WDR91: variants seen among roughly 807,000 people sequenced by gnomAD.
The protein encoded by WDR91 is WD repeat-containing protein 91.
In WDR91, 52 loss-of-function variants were observed where a neutral mutation model predicts 88.4. The ratio of observed to expected loss-of-function variants is 0.59; its 90% CI spans 0.47 to 0.74. WDR91 has a LOEUF of 0.74. Ranked by LOEUF, WDR91 falls within the 30% of genes least tolerant of loss-of-function variation. The probability of loss-of-function intolerance (pLI) is 0.00; values close to 1 mark genes in which losing one functional copy is unlikely to be tolerated. For missense variants in WDR91, 824 were observed against 954.5 expected (o/e 0.86, Z 1.80); for synonymous variants, 362 against 389.5 (o/e 0.93, Z 0.83).
chr7:135,194,977 G>A lies in WDR91; in HGVS notation c.1352C>T (p.Ser451Leu), dbSNP rs767828079. ...MQTKASSISK[S>L]PLLSLEWATK... ...GGCCCATTCCAAAGACAGCAGCGGT[G>A]ATTTGGAAATGGAGGATGCTTTGGT... Residue 451 changes from serine to leucine, a missense_variant, in exon 9 of 15, where the codon TCA (serine) becomes TTA (leucine). Coordinates refer to ENST00000354475, the MANE Select transcript of WDR91 (RefSeq NM_014149.4). 5 of 1,614,172 alleles carry A rather than the reference G, an allele frequency of 3.1e-6. No homozygotes were observed. Among genetic ancestry groups the A allele is most frequent in the Non-Finnish European group, 4.2e-6 (5 of 1,180,036 alleles).
rs1831826656 is a variant in WDR91 at position 135,207,194 on chromosome 7, C to G, written c.520G>C (p.Val174Leu). ...SVLFQCMPVP[V>L]ILNFDAECQR... Reference sequence around the variant, plus strand: ...CACTCCGCATCAAAGTTCAGGATCACAGGGACTGGTGCACGAAGTTAAAGA... The same window carrying G: ...CACTCCGCATCAAAGTTCAGGATCAGAGGGACTGGTGCACGAAGTTAAAGA... Residue 174 changes from valine (V) to leucine (L), a missense_variant, in exon 4 of 15, where the codon GTG becomes CTG. Physicochemically the swap from Val to Leu is conservative, Grantham distance 32 (BLOSUM62 1). Transcript: ENST00000354475. 4 of 1,605,240 alleles carry G rather than the reference C, an allele frequency of 2.5e-6. No individual in the cohort carries two copies. The highest frequency in any genetic ancestry group is 2.6e-6 in the Non-Finnish European group (3 of 1,173,850).
intron 13 of WDR91, among the ~76,000 whole-genome samples, chr7:135,187,561 A>G (rs1830998830): frequency 6.6e-6 from 1 of 152,192 alleles, no homozygotes; most frequent in Non-Finnish European, 1.5e-5. Flanking sequence ...TATTATTATT[A>G]TCAGAGTTAG....
At chr7:135,210,750 G>T in intron 1 of WDR91, 3 of 703,308 alleles carry the variant, frequency 4.3e-6, no homozygotes, top group Middle Eastern at 2.3e-4. Context: ...CTCCCCTCCA[G>T]TGCTCTTGCT....
At chr7:135,192,546 G>A (rs1233091566) in intron 11 of WDR91, among the ~76,000 whole-genome samples, 1 of 151,974 alleles carries the variant, frequency 6.6e-6, no homozygotes, top group African/African-American at 2.4e-5. Flanking sequence ...AGGTCTGACA[G>A]ACCCAAAGGG....
At chr7:135,206,315 TA>T (rs2117712357) in intron 4 of WDR91, among the ~76,000 whole-genome samples, 2 of 152,290 alleles carry the variant, frequency 1.3e-5, no homozygotes, top group East Asian at 3.9e-4. Context: ...TGCTTCCTCC[TA>T]GATTCACTGA....
chr7:135,194,416 C>T (rs542010908), intron 9 of WDR91, among the ~76,000 whole-genome samples: 6 of 152,234 alleles, frequency 3.9e-5, no homozygotes, highest in African/African-American at 1.4e-4. Flanking sequence ...GGTATGATCC[C>T]CACAAATGAA....
chr7:135,196,254 A>G lies in WDR91; in HGVS notation c.1134T>C (p.Thr378=), dbSNP rs1831366815. 1 of 1,611,646 alleles carries G rather than the reference A, an allele frequency of 6.2e-7. No individual in the cohort carries two copies. The highest frequency in any genetic ancestry group is 8.5e-7 in the Non-Finnish European group (1 of 1,178,958). Residue 378 remains threonine, a synonymous_variant, in exon 8 of 15, where the codon ACT becomes ACC. Transcript: ENST00000354475. The surrounding 1 kb of genome is among the most constrained non-coding windows in gnomAD (Gnocchi z 4.2). ...CCTCAGGGCCTGCCGAGGATGCCCG[A>G]GTCAGTGGCTCCACTGGCTCCGTGT... The part of the protein sequence containing the change: ...ELHTEPVEPL[T]RASSAGPEGG...
At chr7:135,206,318 A>G (rs944642215) in intron 4 of WDR91, among the ~76,000 whole-genome samples, 40 of 152,174 alleles carry the variant, frequency 2.6e-4, no homozygotes, top group African/African-American at 8.2e-4. Flanking sequence ...TTCCTCCTAG[A>G]TTCACTGAGA....
At chr7:135,195,433 G>T (rs1387174505) in intron 8 of WDR91, among the ~76,000 whole-genome samples, 1 of 152,214 alleles carries the variant, frequency 6.6e-6, no homozygotes, top group Non-Finnish European at 1.5e-5. Context: ...GAGCCATCAG[G>T]GCTGTCAAAA....
rs1831240043 is a variant in WDR91 at position 135,193,333 on chromosome 7, G to A, written c.1557C>T (p.Leu519=). The part of the protein sequence containing the change: ...SFVCSAAAPS[L]TSQVDFSAPD... ...GTGCTGAGAAGTCCACCTGGGAAGTGAGGCTCGGAGCTGCTGCCGAACAGA... is the reference window on the plus strand; with the variant it reads ...GTGCTGAGAAGTCCACCTGGGAAGTAAGGCTCGGAGCTGCTGCCGAACAGA... The change falls in exon 11 of 15, where the codon CTC becomes CTT. Residue 519 remains leucine (L), a synonymous_variant. Transcript: ENST00000354475. The A allele has an allele frequency of 6.2e-7, 1 of 1,614,232 alleles. No individual in the cohort carries two copies. Among genetic ancestry groups the A allele is most frequent in the South Asian group, 1.1e-5 (1 of 91,086 alleles).
chr7:135,204,568 G>T, intron 5 of WDR91, 135 bp from the exon 6 acceptor site: 1 of 906,460 alleles, frequency 1.1e-6, no homozygotes, highest in African/African-American at 1.7e-5. Context: ...GCTTTAAGGT[G>T]GTATTATCCT....
At chr7:135,207,095 A>C (rs773443366) in intron 4 of WDR91, 25 bp downstream of exon 4, 1 of 1,587,968 alleles carries the variant, frequency 6.3e-7, no homozygotes, top group South Asian at 1.1e-5. Flanking sequence ...GTACTTCCTC[A>C]GGAGCAAGCC....
At chr7:135,203,362 A>G (rs973853600) in intron 6 of WDR91, among the ~76,000 whole-genome samples, 19 of 152,228 alleles carry the variant, frequency 1.2e-4, no homozygotes, top group Admixed American at 4.6e-4. Flanking sequence ...GACTATGACT[A>G]TTTATTTTAT....
At position 135,198,021 on chromosome 7, in the gene WDR91, T is replaced by C. The variant is rs370311970; in HGVS notation, c.1022A>G (p.Lys341Arg). 2 of 1,614,166 alleles carry C rather than the reference T, an allele frequency of 1.2e-6. No individual in the cohort carries two copies. The highest frequency in any genetic ancestry group is 8.5e-7 in the Non-Finnish European group (1 of 1,180,006). The change falls in exon 7 of 15, where the codon AAG (lysine) becomes AGG (arginine). Residue 341 changes from lysine to arginine, a missense_variant. Physicochemically the swap from Lys to Arg is conservative, Grantham distance 26 (BLOSUM62 2). Coordinates refer to ENST00000354475, the MANE Select transcript of WDR91 (RefSeq NM_014149.4). ...RRLQDHGKER[K>R]ELFSTTTSQC... ...GGAAGTGGTTGTGGAGAAAAGCTCC[T>C]TCCTCTCCTTGCCATGGTCCTGCAG...
At chr7:135,202,668 T>G (rs1260683127) in intron 6 of WDR91, among the ~76,000 whole-genome samples, 2 of 152,182 alleles carry the variant, frequency 1.3e-5, no homozygotes, top group Non-Finnish European at 2.9e-5. Flanking sequence ...TTAATGAAAT[T>G]GAATTCCATA....
intron 2 of WDR91, 45 bp downstream of exon 2, chr7:135,209,531 A>G: frequency 6.8e-7 from 1 of 1,481,000 alleles, no homozygotes; most frequent in Non-Finnish European, 9.0e-7. Context: ...GGGATCAAAG[A>G]GCTCCTTCCA....
At position 135,184,104 on chromosome 7, in the gene WDR91, C is replaced by A. The variant is rs1830853351; in HGVS notation, c.*2047G>T. The A allele has an allele frequency of 6.6e-6, 1 of 152,106 alleles. No homozygotes were observed. The highest frequency in any genetic ancestry group is 6.5e-5 in the Admixed American group (1 of 15,272). 9.4% of individuals were successfully genotyped at this position (152,106 alleles called of 1,614,324 possible). ...GGTGAGATAAGTAAGATCACTGTTT[C>A]AATACAGATGGGGAAAGATAATAAA... On this transcript the variant is annotated 3_prime_UTR_variant, in exon 15 of 15. Transcript: ENST00000354475.
chr7:135,188,112 A>T lies in WDR91; in HGVS notation c.1881+321T>A, dbSNP rs188643464. Among the ~76,000 whole-genome samples the T allele has an allele frequency of 1.1e-3, 171 of 152,224 alleles. 1 individual carries two copies. The highest frequency in any genetic ancestry group is 3.8e-3 in the African/African-American group (159 of 41,524). ...TGTACCCAGCCACTCAGCAAACTAC[A>T]CATCCATGAGTGGTCCTGGGACCAC... is the stretch of plus-strand genomic sequence containing the variant. On this transcript the variant is annotated intron_variant, in intron 13 of 14. Transcript: ENST00000354475.
Position 135,204,378 on chromosome 7 carries a change from A to C in WDR91, c.781T>G (p.Phe261Val). The change falls in exon 6 of 15, where the codon TTC becomes GTC. Residue 261 changes from phenylalanine (F) to valine (V), a missense_variant. Transcript: ENST00000354475. ...CTCTGAGGCAGCAGCGAGGACAGGA[A>C]GCCCACACGAGGTGACTGGGAGAGG... The part of the protein sequence containing the change: ...ASLSQSPRVG[F>V]LSSLLPQSKK... 4 of 1,614,224 alleles carry C rather than the reference A, an allele frequency of 2.5e-6. No individual in the cohort carries two copies. The highest frequency in any genetic ancestry group is 3.4e-6 in the Non-Finnish European group (4 of 1,180,020).
Sources: allele counts gnomAD v4.1 joint callset (sites outside exome capture counted in the v4.1 genomes callset), GRCh38; gene constraint gnomAD v4.1.1; non-coding constraint Gnocchi (gnomAD v3.1); transcripts MANE v1.5; gene names NCBI Gene and HGNC (gene_info 2026-07-23, HGNC 2026-07-21).